RGSL1: variants seen among roughly 807,000 people sequenced by gnomAD.
The protein encoded by RGSL1 is regulator of G protein signaling like 1.
Under a neutral mutation model 124.7 loss-of-function variants are expected in RGSL1, and 97 were observed. That is an observed-to-expected ratio of 0.78 (90% CI 0.66 to 0.92). The LOEUF (loss-of-function observed/expected upper bound fraction) is 0.92. Among genes scored for constraint, RGSL1 ranks in the 40% least tolerant of loss-of-function variants. The pLI is 0.00. For missense variants in RGSL1, 1,233 were observed against 1,288.4 expected, an observed-to-expected ratio of 0.96 and a Z score of 0.66; for synonymous variants, 424 against 438.1, an observed-to-expected ratio of 0.97 and a Z score of 0.40.
chr1:182,451,308 A>G (rs1332422307), intron 1 of RGSL1, among the ~76,000 whole-genome samples: 2 of 152,180 alleles, frequency 1.3e-5, no homozygotes, highest in Non-Finnish European at 2.9e-5. Context: ...GAAGACAGAT[A>G]TATCGATGGA....
At position 182,538,325 on chromosome 1, in the gene RGSL1, C is replaced by G. The variant is rs116371397; in HGVS notation, c.2495-1922C>G. On this transcript the variant is annotated intron_variant, in intron 14 of 21. Transcript: ENST00000294854. Reference sequence around the variant, plus strand: ...GGTGTATCACCAGAGGTCAGGTGTTCGAGACCAGCCTGACCAATATGGTGA... The same window carrying G: ...GGTGTATCACCAGAGGTCAGGTGTTGGAGACCAGCCTGACCAATATGGTGA... Among the ~76,000 whole-genome samples the G allele has an allele frequency of 5.7e-3, 868 of 152,040 alleles. 3 individuals carry two copies. Among genetic ancestry groups the G allele is most frequent in the African/African-American group, 0.02 (826 of 41,464 alleles).
chr1:182,531,785 A>G (rs1659190872), intron 13 of RGSL1, among the ~76,000 whole-genome samples: 1 of 152,194 alleles, frequency 6.6e-6, no homozygotes, highest in African/African-American at 2.4e-5. Flanking sequence ...AGATAAAAGG[A>G]AATCAACATG....
At chr1:182,530,416 G>A in intron 12 of RGSL1, 55 bp downstream of exon 12, 1 of 1,343,570 alleles carries the variant, frequency 7.4e-7, no homozygotes, top group Non-Finnish European at 1.0e-6. Flanking sequence ...CTTGGCTTCT[G>A]AAAGCCATAT....
intron 2 of RGSL1, among the ~76,000 whole-genome samples, chr1:182,456,224 G>T (rs1652308356): frequency 2.0e-5 from 3 of 152,104 alleles, no homozygotes; most frequent in South Asian, 2.1e-4. Flanking sequence ...GGCCTCTCGG[G>T]GAGTGGGTCT....
At chr1:182,540,507 G>C (rs1659827896) in intron 15 of RGSL1, 86 bp downstream of exon 15, 1 of 1,263,726 alleles carries the variant, frequency 7.9e-7, no homozygotes, top group Non-Finnish European at 1.1e-6. Context: ...TGATCTGTTA[G>C]AGATACAGTG....
intron 14 of RGSL1, among the ~76,000 whole-genome samples, chr1:182,535,244 T>C (rs545118039): frequency 6.6e-6 from 1 of 152,224 alleles, no homozygotes; most frequent in Non-Finnish European, 1.5e-5. Context: ...GCATTTATTT[T>C]ACTATTGCCT....
intron 14 of RGSL1, among the ~76,000 whole-genome samples, chr1:182,540,011 T>C (rs1571691093): frequency 6.6e-6 from 1 of 152,304 alleles, no homozygotes; most frequent in East Asian, 1.9e-4. Flanking sequence ...CTATTTCTAT[T>C]AGATAAGCAC....
At chr1:182,466,490 A>AAAAAC (rs1474710598) in intron 4 of RGSL1, among the ~76,000 whole-genome samples, 3 of 152,190 alleles carry the variant, frequency 2.0e-5, no homozygotes, top group East Asian at 1.9e-4. Flanking sequence ...ATACAAAGTC[A>AAAAAC]AAAACAAAAC....
chr1:182,508,678 T>G (rs1012603796), intron 9 of RGSL1, among the ~76,000 whole-genome samples: 9 of 129,628 alleles, frequency 6.9e-5, no homozygotes, highest in African/African-American at 2.0e-4. Context: ...ATTTGTTTTT[T>G]TTTTTTTTTT....
chr1:182,465,509 G>A (rs1571489623), intron 4 of RGSL1, among the ~76,000 whole-genome samples: 2 of 152,044 alleles, frequency 1.3e-5, no homozygotes, highest in African/African-American at 4.8e-5. Context: ...TATACCTAAT[G>A]TAAATGACGA....
intron 4 of RGSL1, among the ~76,000 whole-genome samples, chr1:182,470,786 T>C (rs534104): frequency 0.086 from 13,032 of 152,184 alleles, 759 homozygotes; most frequent in East Asian, 0.26. Flanking sequence ...AAACATGTAC[T>C]GAAAGAATGA....
intron 9 of RGSL1, among the ~76,000 whole-genome samples, chr1:182,501,763 C>A (rs1348800902): frequency 6.6e-6 from 1 of 152,070 alleles, no homozygotes; most frequent in African/African-American, 2.4e-5. Context: ...TCATGCTGAC[C>A]TCAGAATGAG....
At chr1:182,493,889 C>T (rs1655713453) in intron 9 of RGSL1, among the ~76,000 whole-genome samples, 1 of 152,164 alleles carries the variant, frequency 6.6e-6, no homozygotes, top group Non-Finnish European at 1.5e-5. Context: ...GAAATTTCAC[C>T]TCATCTTGGA....
Position 182,488,983 on chromosome 1 carries a change from C to T in RGSL1, c.1498C>T (p.Gln500Ter), listed in dbSNP as rs1228339302. Reference protein sequence around the residue: ...EDYWFLLFTTQNRFISSRQHK... With the variant: ...EDYWFLLFTT ...TCCCCTCACCCTCTTCTCTTAGACA[C>T]AGAACAGGTTCATCAGCTCCAGACA... The change falls in exon 8 of 22, where the codon CAG (glutamine) becomes TAG (stop). Residue 500 changes from glutamine (Q) to a stop codon, truncating the protein, a stop_gained. Coordinates refer to ENST00000294854, the MANE Select transcript of RGSL1 (RefSeq NM_001137669.2). LOFTEE classifies it high-confidence loss of function. 8 of 1,549,854 alleles carry T rather than the reference C, an allele frequency of 5.2e-6. No homozygotes were observed. The highest frequency in any genetic ancestry group is 2.4e-5 in the East Asian group (1 of 40,926).
chr1:182,529,801 T>G lies in RGSL1; in HGVS notation c.2126-443T>G, dbSNP rs150303037. ...GTCCAGATCCTATCTTTGATTATTT[T>G]CAAGTCTCATTAATGAACACAGCAG... is the stretch of plus-strand genomic sequence containing the variant. On this transcript the variant is annotated intron_variant, in intron 11 of 21. Transcript: ENST00000294854. Among the ~76,000 whole-genome samples, 1,130 of 152,248 alleles carry G rather than the reference T, an allele frequency of 7.4e-3. 14 individuals are homozygous for G. Among genetic ancestry groups the G allele is most frequent in the Middle Eastern group, 0.031 (9 of 294 alleles).
At chr1:182,496,389 G>A (rs1655914499) in intron 9 of RGSL1, among the ~76,000 whole-genome samples, 1 of 152,246 alleles carries the variant, frequency 6.6e-6, no homozygotes, top group South Asian at 2.1e-4. Flanking sequence ...CATATCGGAT[G>A]GGTAGGTCTG....
Position 182,514,530 on chromosome 1 carries a change from G to A in RGSL1, c.1826-7474G>A, listed in dbSNP as rs57029244. On this transcript the variant is annotated intron_variant, in intron 9 of 21. Transcript: ENST00000294854. ...TCTCCAGGAGAGTGCAAATACTTGG[G>A]TTAAATTCTGGAAAACCTCTATATA... Among the ~76,000 whole-genome samples the A allele has an allele frequency of 0.011, 1,599 of 152,286 alleles. 68 individuals are homozygous for A. In the East Asian group the frequency reaches 0.15, roughly 14 times the overall value.
chr1:182,458,907 T>A (rs1349615948), intron 3 of RGSL1, among the ~76,000 whole-genome samples: 2 of 152,222 alleles, frequency 1.3e-5, no homozygotes, highest in African/African-American at 4.8e-5. Flanking sequence ...CCTTTTTACA[T>A]TTTTTACCTC....
At chr1:182,556,806 C>T (rs1300231387) in intron 21 of RGSL1, among the ~76,000 whole-genome samples, 3 of 151,954 alleles carry the variant, frequency 2.0e-5, no homozygotes. Flanking sequence ...ATGAATAGGC[C>T]TATTTTCTCT....
Sources: gnomAD v4.1 joint callset for allele counts (sites outside exome capture counted in the v4.1 genomes callset) on GRCh38, gnomAD v4.1.1 for gene constraint, MANE v1.5 for transcripts, NCBI Gene and HGNC (gene_info 2026-07-23, HGNC 2026-07-21) for gene names.